RBM42: variants seen among roughly 807,000 people sequenced by gnomAD.
RBM42 encodes the protein RNA binding motif protein 42.
RBM42 carries 21 observed loss-of-function variants against 41.4 expected under a neutral mutation model. The ratio of observed to expected loss-of-function variants is 0.51; its 90% CI spans 0.36 to 0.73. RBM42 has a LOEUF of 0.73. Ranked by LOEUF, RBM42 falls within the 30% of genes least tolerant of loss-of-function variation. RBM42 has a pLI of 0.00. For synonymous variants in RBM42, 272 were observed against 271.2 expected, an observed-to-expected ratio of 1.00 and a Z score of -0.03; for missense variants, 539 against 680.4, an observed-to-expected ratio of 0.79 and a Z score of 2.31.
rs747269222 is a variant in RBM42 at position 35,634,276 on chromosome 19, A to C, written c.1038A>C (p.Glu346Asp). The C allele has an allele frequency of 1.2e-6, 2 of 1,614,202 alleles. No individual in the cohort carries two copies. The highest frequency in any genetic ancestry group is 3.3e-5 in the Admixed American group (2 of 60,032). The change falls in exon 8 of 10, where the codon GAA (glutamate) becomes GAC (aspartate). Residue 346 changes from glutamate (E) to aspartate (D), a missense_variant. By Grantham distance (45) the Glu-to-Asp change is conservative. This residue lies in a region of RBM42 where 429 missense variants were observed against 488.9 expected (regional missense o/e 0.88). Coordinates refer to ENST00000262633, the MANE Select transcript of RBM42 (RefSeq NM_024321.5). ...TGCAGGTCCCAGAGCCCCTGGGTGA[A>C]GACAAGAAGAAGGGGAAGCCAGAGA... ...MALEVPEPLG[E>D]DKKKGKPEKL...
chr19:35,631,467 C>T (rs1967404096), intron 4 of RBM42, 62 bp downstream of exon 4: 12 of 1,485,624 alleles, frequency 8.1e-6, no homozygotes, highest in Non-Finnish European at 1.1e-5. Flanking sequence ...TGACTTCAGC[C>T]TCTTGCCTAA....
chr19:35,630,312 C>CA lies in RBM42; in HGVS notation c.282+654dup, dbSNP rs35545845. ...CTGGTGACAGAGCGAGACTCCGTCT[C>CA]AAAAAAAAAAAAAAAGCCCTGAGGC... On this transcript the variant is annotated intron_variant, in intron 2 of 9. Transcript: ENST00000262633. Among the ~76,000 whole-genome samples, 482 of 107,756 alleles carry CA rather than the reference C, an allele frequency of 4.5e-3. 1 individual carries two copies. The highest frequency in any genetic ancestry group is 0.013 in the Middle Eastern group (3 of 228). The allele number at this position is 107,756 out of a possible 152,430, so 70.7% of individuals were successfully genotyped here.
intron 8 of RBM42, among the ~76,000 whole-genome samples, chr19:35,635,870 C>A (rs932074481): frequency 3.9e-5 from 6 of 152,078 alleles, no homozygotes; most frequent in Non-Finnish European, 7.4e-5. Context: ...TTGTTTTGTA[C>A]ATATTTTTTG....
intron 7 of RBM42, 112 bp downstream of exon 7, chr19:35,634,131 G>C (rs1365028150): frequency 6.5e-7 from 1 of 1,529,408 alleles, no homozygotes; most frequent in Non-Finnish European, 8.8e-7. Flanking sequence ...GAGGGAGGCG[G>C]ACACATGTGC....
chr19:35,636,644 C>T (rs1967502637), intron 8 of RBM42, among the ~76,000 whole-genome samples: 1 of 152,156 alleles, frequency 6.6e-6, no homozygotes, highest in Admixed American at 6.6e-5. Context: ...TTAGGGCAGG[C>T]CTTGCCAAGG....
In RBM42 at chr19:35,637,574, G is replaced by C. The variant is rs775484881; in HGVS notation, c.*20G>C. The stretch of plus-strand genomic sequence containing the variant: ...AGATAGGGTCTGTGGCCAGGCACCC[G>C]CTCCCACCTGGCCGGGCGCTGGCTC... On this transcript the variant is annotated 3_prime_UTR_variant, in exon 10 of 10. Coordinates refer to ENST00000262633, the MANE Select transcript of RBM42 (RefSeq NM_024321.5). This position sits in a 1 kb window ranked among gnomAD's most constrained non-coding sequence, Gnocchi z 7.0. The C allele has an allele frequency of 1.9e-6, 3 of 1,597,802 alleles. No individual in the cohort carries two copies. The highest frequency in any genetic ancestry group is 2.6e-6 in the Non-Finnish European group (3 of 1,166,664).
chr19:35,633,919 G>C lies in RBM42; in HGVS notation c.917G>C (p.Arg306Pro). Residue 306 changes from arginine to proline, a missense_variant, in exon 7 of 10, where the codon CGC becomes CCC. Transcript: ENST00000262633. The part of the protein sequence containing the change: ...EPLPLPLEVV[R>P]GLLPPLRIPE... ...CTGCCCCTCCCGTTGGAGGTCGTCC[G>C]CGGCCTCCTGCCCCCGCTGCGCATT... 6.3e-7 allele frequency: 1 copy of C among 1,589,814 alleles called. No homozygotes were observed. The highest frequency in any genetic ancestry group is 8.5e-7 in the Non-Finnish European group (1 of 1,172,676).
In RBM42 at chr19:35,630,035, G is replaced by T. The variant is rs577736441; in HGVS notation, c.282+362G>T. Among the ~76,000 whole-genome samples the T allele has an allele frequency of 2.6e-5, 4 of 152,326 alleles. No individual in the cohort carries two copies. The South Asian group carries it at 8.3e-4, about 32-fold the overall frequency. On this transcript the variant is annotated intron_variant, in intron 2 of 9. Coordinates refer to ENST00000262633, the MANE Select transcript of RBM42 (RefSeq NM_024321.5). ...TTATTAAGATGAAAATAGGCTGGGCGCTGGGCGTGGTGGCTCACACCTGTA... is the reference window on the plus strand; with the variant it reads ...TTATTAAGATGAAAATAGGCTGGGCTCTGGGCGTGGTGGCTCACACCTGTA...
In RBM42 at chr19:35,637,383, C is replaced by T. The variant is rs745496664; in HGVS notation, c.1330+31C>T. The stretch of plus-strand genomic sequence containing the variant: ...TGCGGCCTCCCCTGGGAACTGCAGG[C>T]GCGGCAGGCGCTGGCCTAAGCCTGA... On this transcript the variant is annotated intron_variant, in intron 9 of 9. Transcript: ENST00000262633. This position sits in a 1 kb window ranked among gnomAD's most constrained non-coding sequence, Gnocchi z 7.0. The T allele has an allele frequency of 1.4e-5, 22 of 1,613,144 alleles. No individual in the cohort carries two copies. The East Asian group carries it at 1.6e-4, about 11-fold the overall frequency.
intron 8 of RBM42, among the ~76,000 whole-genome samples, chr19:35,635,072 T>C (rs973176027): frequency 6.6e-6 from 1 of 151,834 alleles, no homozygotes; most frequent in Non-Finnish European, 1.5e-5. Flanking sequence ...CCCAGCACTT[T>C]GGGAGGCGGA....
chr19:35,634,753 G>C (rs1967467990), intron 8 of RBM42, among the ~76,000 whole-genome samples: 1 of 150,716 alleles, frequency 6.6e-6, no homozygotes, highest in Non-Finnish European at 1.5e-5. Flanking sequence ...CCGCCCCCCA[G>C]GTTCAAGTGA....
At chr19:35,629,356 GA>G (rs1480744896) in intron 1 of RBM42, 75 bp downstream of exon 1, 2 of 1,492,190 alleles carry the variant, frequency 1.3e-6, no homozygotes, top group African/African-American at 2.8e-5. Context: ...TCCAGGCCTC[GA>G]TAGGCCGGAG....
chr19:35,633,009 GC>G lies in RBM42; in HGVS notation c.508+10del. ...ACGTGCTACAGAGAGCAGGTGAGGG[GC>G]CAGGGTCATCATCCCTGCCACATAA... is the stretch of plus-strand genomic sequence containing the variant. On this transcript the variant is annotated intron_variant, in intron 5 of 9. Coordinates refer to ENST00000262633, the MANE Select transcript of RBM42 (RefSeq NM_024321.5). 6.2e-7 allele frequency: 1 copy of G among 1,609,770 alleles called. No homozygotes were observed. Among genetic ancestry groups the G allele is most frequent in the Non-Finnish European group, 8.5e-7 (1 of 1,176,082 alleles).
At position 35,629,577 on chromosome 19, in the gene RBM42, G is replaced by A. The variant is rs1342706517; in HGVS notation, c.186G>A (p.Ala62=). 2.5e-6 allele frequency: 4 copies of A among 1,614,206 alleles called. No homozygotes were observed. In the Admixed American group the frequency reaches 6.7e-5, roughly 27 times the overall value. The change falls in exon 2 of 10, where the codon GCG becomes GCA. Residue 62 remains alanine (A), a synonymous_variant. Coordinates refer to ENST00000262633, the MANE Select transcript of RBM42 (RefSeq NM_024321.5). ...CTGGAATCCCAACTGCTGTGCCTGCGGTGCCCACTGTCCCCACGGTCCCCA... is the reference window on the plus strand; with the variant it reads ...CTGGAATCCCAACTGCTGTGCCTGCAGTGCCCACTGTCCCCACGGTCCCCA... ...PVPGIPTAVP[A]VPTVPTVPTV...
chr19:35,629,878 T>C (rs914829194), intron 2 of RBM42, among the ~76,000 whole-genome samples: 2 of 152,244 alleles, frequency 1.3e-5, no homozygotes, highest in Non-Finnish European at 2.9e-5. Flanking sequence ...TGTTGTCCAG[T>C]AGAGCTTTCT....
In RBM42 at chr19:35,631,339, G is replaced by A; in HGVS notation, c.376G>A (p.Gly126Ser). 1.2e-6 allele frequency: 2 copies of A among 1,614,174 alleles called. No individual in the cohort carries two copies. ...GPPFVGPVGF[G>S]PGDRSHLDSP... The stretch of plus-strand genomic sequence containing the variant: ...CTCTCCCCTCCCAACAGTTGGCTTT[G>A]GCCCTGGTGATCGGAGTCACCTGGA... Residue 126 changes from glycine to serine, a missense_variant, in exon 4 of 10, where the codon GGC becomes AGC. Gly to Ser is a moderately conservative substitution (Grantham distance 56). This residue lies in a region of RBM42 where 429 missense variants were observed against 488.9 expected (regional missense o/e 0.88). Transcript: ENST00000262633.
chr19:35,629,802 G>T, intron 2 of RBM42, 129 bp downstream of exon 2: 1 of 954,488 alleles, frequency 1.0e-6, no homozygotes, highest in South Asian at 1.6e-5. Flanking sequence ...TATATGCCAG[G>T]CACTGAGAAC....
rs1967433301 is a variant in RBM42, at chr19:35,633,085, C to T, written c.517C>T (p.Leu173Phe). The T allele has an allele frequency of 3.7e-6, 6 of 1,612,780 alleles. No homozygotes were observed. In the East Asian group the frequency reaches 1.3e-4, roughly 36 times the overall value. The stretch of plus-strand genomic sequence containing the variant: ...CACTAACACCCTGACAGATTCCGCT[C>T]TCTCCTCTGCAGCAGCCGGCCCCCG... ...PHVLQRADSA[L>F]SSAAAGPRPM... Residue 173 changes from leucine (L) to phenylalanine (F), a missense_variant, in exon 6 of 10, where the codon CTC becomes TTC. Transcript: ENST00000262633.
intron 1 of RBM42, 32 bp from the exon 2 acceptor site, chr19:35,629,488 C>T (rs771517189): frequency 1.9e-6 from 3 of 1,611,892 alleles, no homozygotes; most frequent in African/African-American, 1.3e-5. Context: ...GGTACGAGGT[C>T]CTGAGCGCTG....
Sources: gnomAD v4.1 joint callset for allele counts (sites outside exome capture counted in the v4.1 genomes callset) on GRCh38, gnomAD v4.1.1 for gene constraint, gnomAD v4.1.1 regional missense constraint, Gnocchi (gnomAD v3.1) non-coding constraint, MANE v1.5 for transcripts, NCBI Gene and HGNC (gene_info 2026-07-23, HGNC 2026-07-21) for gene names.